Variants in ROBO2 observed in about 807,000 individuals in gnomAD.
The protein encoded by ROBO2 is roundabout guidance receptor 2.
ROBO2 carries 53 observed loss-of-function variants against 160.8 expected under a neutral mutation model. The ratio of observed to expected loss-of-function variants is 0.33; its 90% CI spans 0.26 to 0.41. The LOEUF (loss-of-function observed/expected upper bound fraction) is 0.41, where lower values mean the gene tolerates loss of function less well. ROBO2 is among the 10% of genes least tolerant of loss of function. The pLI, the probability that ROBO2 is intolerant of heterozygous loss-of-function variation, is 1.00. For missense variants in ROBO2, 1,577 were observed against 1,722.4 expected (o/e 0.92, Z 1.49); for synonymous variants, 664 against 611.7 (o/e 1.09, Z -1.26).
chr3:76,522,828 A>G (rs1397111536), intron 2 of ROBO2, among the ~76,000 whole-genome samples: 1 of 151,952 alleles, frequency 6.6e-6, no homozygotes, highest in African/African-American at 2.4e-5. Context: ...CCTGAAATGA[A>G]CTAAACTAAG....
intron 2 of ROBO2, among the ~76,000 whole-genome samples, chr3:76,137,841 A>T (rs964140609): frequency 5.9e-5 from 9 of 151,722 alleles, no homozygotes; most frequent in Non-Finnish European, 1.0e-4. Flanking sequence ...ATATATATAT[A>T]TTTTTCTAAC....
intron 2 of ROBO2, among the ~76,000 whole-genome samples, chr3:76,622,256 A>G (rs538186910): frequency 3.0e-5 from 2 of 66,794 alleles, no homozygotes; most frequent in African/African-American, 1.2e-4. Context: ...GAAAGAAAGA[A>G]AGAAAGAAAG....
chr3:76,088,722 TTA>T (rs1363300984), intron 2 of ROBO2, among the ~76,000 whole-genome samples: 1 of 151,866 alleles, frequency 6.6e-6, no homozygotes, highest in African/African-American at 2.4e-5. Context: ...CAAAAGCAAT[TTA>T]TGAGGGAAAT....
At chr3:77,386,932 G>C (rs1244682839) in intron 2 of ROBO2, among the ~76,000 whole-genome samples, 1 of 151,782 alleles carries the variant, frequency 6.6e-6, no homozygotes, top group Non-Finnish European at 1.5e-5. Context: ...AGTTCTGCTT[G>C]ATCAAACAGG....
intron 2 of ROBO2, among the ~76,000 whole-genome samples, chr3:77,403,525 C>A (rs749416594): frequency 4.4e-4 from 66 of 151,196 alleles, no homozygotes; most frequent in Admixed American, 1.1e-3. Context: ...TCCATGCTGC[C>A]ATGAATGACA....
intron 2 of ROBO2, among the ~76,000 whole-genome samples, chr3:76,285,244 ATTC>A (rs1708450860): frequency 6.6e-6 from 1 of 152,118 alleles, no homozygotes; most frequent in Non-Finnish European, 1.5e-5. Flanking sequence ...CTAAGCTATA[ATTC>A]TTCTCACCTT....
intron 2 of ROBO2, among the ~76,000 whole-genome samples, chr3:76,983,413 T>A (rs1320866030): frequency 6.6e-6 from 1 of 152,232 alleles, no homozygotes; most frequent in African/African-American, 2.4e-5. Flanking sequence ...AGACAATATA[T>A]GATTTAGTAA....
At chr3:77,378,497 T>C (rs761824119) in intron 2 of ROBO2, among the ~76,000 whole-genome samples, 6 of 152,172 alleles carry the variant, frequency 3.9e-5, no homozygotes, top group Non-Finnish European at 2.9e-5. Context: ...TTACTTTCTA[T>C]GGCTAAATTT....
In ROBO2 at chr3:76,754,349, C is replaced by T. The variant is rs759839406; in HGVS notation, c.110-343665C>T. 1.8e-3 allele frequency among the ~76,000 whole-genome samples: 275 copies of T among 151,958 alleles called. 2 individuals are homozygous for T. Among genetic ancestry groups the T allele is most frequent in the Non-Finnish European group, 3.1e-3 (208 of 67,910 alleles). On this transcript the variant is annotated intron_variant, in intron 2 of 26. Coordinates refer to the ROBO2 transcript ENST00000487694. ...TATATTAGTATCTGGACAGAAGCCT[C>T]GTTATCTGTCAAAGGTTAACTGCAC... is the stretch of plus-strand genomic sequence containing the variant.
intron 2 of ROBO2, among the ~76,000 whole-genome samples, chr3:76,512,322 G>GTATATATATATA (rs3043037): frequency 7.1e-6 from 1 of 140,496 alleles, no homozygotes; most frequent in African/African-American, 2.8e-5. Flanking sequence ...ATATATATAT[G>GTATATATATATA]TATATATATA....
chr3:76,523,744 G>T (rs575478393), intron 2 of ROBO2, among the ~76,000 whole-genome samples: 3 of 152,042 alleles, frequency 2.0e-5, no homozygotes, highest in Non-Finnish European at 4.4e-5. Context: ...CAACTTAATA[G>T]AAGGATAAAC....
At chr3:76,360,380 C>T (rs991769000) in intron 2 of ROBO2, among the ~76,000 whole-genome samples, 2 of 151,876 alleles carry the variant, frequency 1.3e-5, no homozygotes, top group East Asian at 1.9e-4. Context: ...GGTGGCCAAG[C>T]GTGCAGAAAT....
chr3:77,205,659 C>A (rs978492422), intron 2 of ROBO2, among the ~76,000 whole-genome samples: 6 of 152,078 alleles, frequency 3.9e-5, no homozygotes. Flanking sequence ...GTCTCCTCTC[C>A]ATATCACATG....
At chr3:77,368,903 A>G (rs1286134090) in intron 2 of ROBO2, among the ~76,000 whole-genome samples, 11 of 152,330 alleles carry the variant, frequency 7.2e-5, no homozygotes, top group East Asian at 1.9e-4. Context: ...ACCTTTAGTC[A>G]GTGAACACCC....
chr3:76,723,538 C>T (rs1560446544), intron 2 of ROBO2, among the ~76,000 whole-genome samples: 1 of 152,178 alleles, frequency 6.6e-6, no homozygotes, highest in Non-Finnish European at 1.5e-5. Context: ...AACTGCCATT[C>T]TCCCAGCCTC....
chr3:76,433,374 G>A (rs1473261656), intron 2 of ROBO2, among the ~76,000 whole-genome samples: 3 of 152,050 alleles, frequency 2.0e-5, no homozygotes, highest in African/African-American at 4.8e-5. Flanking sequence ...CTAAACAATT[G>A]CAATAAACAT....
chr3:76,075,660 G>T (rs929454046), intron 2 of ROBO2, among the ~76,000 whole-genome samples: 1 of 152,096 alleles, frequency 6.6e-6, no homozygotes, highest in Non-Finnish European at 1.5e-5. Context: ...TCCCAATAGC[G>T]TAGACAAACA....
At chr3:76,045,009 G>A (rs916436812) in intron 2 of ROBO2, among the ~76,000 whole-genome samples, 3 of 152,006 alleles carry the variant, frequency 2.0e-5, no homozygotes, top group Non-Finnish European at 4.4e-5. Context: ...AGCAAGTCAA[G>A]CTATTTCCAT....
rs148089442 is a variant in ROBO2, at chr3:76,807,349, C to T, written c.110-290665C>T. Among the ~76,000 whole-genome samples, 217 of 152,016 alleles carry T rather than the reference C, an allele frequency of 1.4e-3. 1 individual carries two copies. Among genetic ancestry groups the T allele is most frequent in the African/African-American group, 5.1e-3 (212 of 41,504 alleles). ...ATTTTCAGTTCCTACTGTGTTCGCC[C>T]CTGAAATTAACCTATACAAATATCT... On this transcript the variant is annotated intron_variant, in intron 2 of 26. Coordinates refer to the ROBO2 transcript ENST00000487694.
Sources: allele counts gnomAD v4.1 joint callset (sites outside exome capture counted in the v4.1 genomes callset), GRCh38; gene constraint gnomAD v4.1.1; transcripts MANE v1.5; gene names NCBI Gene and HGNC (gene_info 2026-07-23, HGNC 2026-07-21).